RYR3: variants seen among roughly 807,000 people sequenced by gnomAD.
The protein encoded by RYR3 is brain ryanodine receptor-calcium release channel.
In RYR3, 207 loss-of-function variants were observed where a neutral mutation model predicts 584.3. The ratio of observed to expected loss-of-function variants is 0.35; its 90% CI spans 0.32 to 0.40. The LOEUF (loss-of-function observed/expected upper bound fraction) is 0.40. Ranked by LOEUF, RYR3 falls within the 10% of genes least tolerant of loss-of-function variation. The probability of loss-of-function intolerance (pLI) is 1.00; values close to 1 mark genes in which losing one functional copy is unlikely to be tolerated. For synonymous variants in RYR3, 2,416 were observed against 2,248.5 expected, an observed-to-expected ratio of 1.07 and a Z score of -2.11; for missense variants, 5,616 against 6,089.2, an observed-to-expected ratio of 0.92 and a Z score of 2.59.
chr15:33,725,538 G>T (rs972012158), intron 45 of RYR3, among the ~76,000 whole-genome samples: 4 of 152,136 alleles, frequency 2.6e-5, no homozygotes, highest in African/African-American at 9.7e-5. Flanking sequence ...GGCTACTCAA[G>T]CCGGGATAAC....
chr15:33,682,908 C>T (rs143216136), intron 38 of RYR3, among the ~76,000 whole-genome samples: 3 of 152,162 alleles, frequency 2.0e-5, no homozygotes, highest in East Asian at 1.9e-4. Context: ...AAGAGTAAGA[C>T]GGGCCATACC....
At chr15:33,357,294 G>T (rs909377775) in intron 1 of RYR3, among the ~76,000 whole-genome samples, 1 of 152,088 alleles carries the variant, frequency 6.6e-6, no homozygotes, top group African/African-American at 2.4e-5. Flanking sequence ...AACAAAAACA[G>T]CAATCCTGTC....
At chr15:33,369,372 T>G (rs1975985309) in intron 1 of RYR3, among the ~76,000 whole-genome samples, 1 of 152,210 alleles carries the variant, frequency 6.6e-6, no homozygotes, top group Non-Finnish European at 1.5e-5. Flanking sequence ...TTGTTCAGTC[T>G]CTGGTCCTTT....
chr15:33,379,517 G>A (rs1172717986), intron 1 of RYR3, among the ~76,000 whole-genome samples: 1 of 151,986 alleles, frequency 6.6e-6, no homozygotes, highest in Non-Finnish European at 1.5e-5. Flanking sequence ...TTACTCTTCA[G>A]TGTGTCTGTT....
At chr15:33,534,386 A>G (rs2055146679) in intron 5 of RYR3, among the ~76,000 whole-genome samples, 1 of 152,294 alleles carries the variant, frequency 6.6e-6, no homozygotes, top group African/African-American at 2.4e-5. Context: ...GGGGGAGAAG[A>G]GCGAGACTTC....
intron 3 of RYR3, among the ~76,000 whole-genome samples, chr15:33,522,812 C>A (rs1399092503): frequency 6.6e-6 from 1 of 152,112 alleles, no homozygotes. Flanking sequence ...TCATCACAGG[C>A]CATACTCATC....
Position 33,865,112 on chromosome 15 carries a change from G to GTTGTTCATATTATTTCAGGAATCT in RYR3, c.14518-17_14524dup. On this transcript the variant is annotated intron_variant, in intron 103 of 103. Coordinates refer to ENST00000634891, the MANE Select transcript of RYR3 (RefSeq NM_001036.6). ...TACTGTGGTTTAAAAATAAGCACCC[G>GTTGTTCATATTATTTCAGGAATCT]TTGTTCATATTATTTCAGGAATCTT... 6.3e-7 allele frequency: 1 copy of GTTGTTCATATTATTTCAGGAATCT among 1,587,328 alleles called. No homozygotes were observed. The highest frequency in any genetic ancestry group is 8.6e-7 in the Non-Finnish European group (1 of 1,156,866).
intron 67 of RYR3, among the ~76,000 whole-genome samples, chr15:33,789,820 G>A (rs1433000667): frequency 1.4e-5 from 2 of 139,804 alleles, no homozygotes; most frequent in African/African-American, 2.6e-5. Context: ...GATTACAGGC[G>A]CAGGCCACCA....
chr15:33,681,289 A>G (rs2064589638), intron 38 of RYR3, among the ~76,000 whole-genome samples: 1 of 152,206 alleles, frequency 6.6e-6, no homozygotes, highest in African/African-American at 2.4e-5. Flanking sequence ...TACTGTTGCT[A>G]TAGCAAATTA....
chr15:33,512,684 T>G (rs1356906193), intron 3 of RYR3, among the ~76,000 whole-genome samples: 3 of 152,260 alleles, frequency 2.0e-5, no homozygotes, highest in Non-Finnish European at 4.4e-5. Flanking sequence ...ATTGGAATGC[T>G]CTGTTGAAAT....
At chr15:33,349,750 C>A (rs1439490951) in intron 1 of RYR3, among the ~76,000 whole-genome samples, 4 of 115,602 alleles carry the variant, frequency 3.5e-5, no homozygotes, top group Non-Finnish European at 6.9e-5. Context: ...CCCCCTCCCC[C>A]CACCCCACAA....
intron 38 of RYR3, among the ~76,000 whole-genome samples, chr15:33,691,807 G>A (rs376281019): frequency 1.7e-4 from 26 of 152,192 alleles, no homozygotes; most frequent in African/African-American, 4.8e-4. Context: ...TCTGTGAAAC[G>A]CATTTATCTG....
chr15:33,736,152 C>A, intron 48 of RYR3, 83 bp from the exon 49 acceptor site: 1 of 878,182 alleles, frequency 1.1e-6, no homozygotes, highest in Non-Finnish European at 1.8e-6. Context: ...CTGTAATATG[C>A]TTATTGTTCA....
chr15:33,467,077 CAT>C (rs1166349386), intron 1 of RYR3, among the ~76,000 whole-genome samples: 2 of 152,198 alleles, frequency 1.3e-5, no homozygotes, highest in African/African-American at 4.8e-5. Context: ...AGTGCACACC[CAT>C]ATCTTCATAT....
chr15:33,585,044 T>C (rs1328836270), intron 15 of RYR3, among the ~76,000 whole-genome samples: 1 of 152,062 alleles, frequency 6.6e-6, no homozygotes. Flanking sequence ...GAAGTGACCA[T>C]GCTGCAGGGC....
chr15:33,780,369 A>C (rs1596552296), intron 65 of RYR3, 28 bp downstream of exon 65: 2 of 1,610,712 alleles, frequency 1.2e-6, no homozygotes, highest in Non-Finnish European at 8.5e-7. Context: ...AAGGTCATCA[A>C]CCCATTTCAT....
chr15:33,681,188 C>T (rs1321129628), intron 38 of RYR3, among the ~76,000 whole-genome samples: 1 of 152,216 alleles, frequency 6.6e-6, no homozygotes, highest in African/African-American at 2.4e-5. Flanking sequence ...GGCTTTCTAA[C>T]AGAGACTCTC....
intron 67 of RYR3, among the ~76,000 whole-genome samples, chr15:33,794,057 TATAC>T (rs1014961810): frequency 7.8e-6 from 1 of 128,586 alleles, no homozygotes; most frequent in African/African-American, 3.7e-5. Context: ...TATATAAATA[TATAC>T]ATAAATAAAT....
chr15:33,706,534 A>G (rs1342024075), intron 42 of RYR3, among the ~76,000 whole-genome samples: 1 of 152,160 alleles, frequency 6.6e-6, no homozygotes, highest in African/African-American at 2.4e-5. Context: ...AATGTCCTCA[A>G]TGTTCTTCAC....
Sources: gnomAD v4.1 joint callset for allele counts (sites outside exome capture counted in the v4.1 genomes callset) on GRCh38, gnomAD v4.1.1 for gene constraint, MANE v1.5 for transcripts, NCBI Gene and HGNC (gene_info 2026-07-23, HGNC 2026-07-21) for gene names.